The following MECOM variants were observed in gnomAD, a reference collection of about 807,000 sequenced individuals.
MECOM encodes histone-lysine N-methyltransferase MECOM.
A neutral mutation model predicts 116.3 loss-of-function variants in MECOM; 13 were observed. That is an observed-to-expected ratio of 0.11 (90% confidence interval 0.07 to 0.18). The LOEUF (loss-of-function observed/expected upper bound fraction) is 0.18, where lower values mean the gene tolerates loss of function less well. Among genes scored for constraint, MECOM ranks in the 10% least tolerant of loss-of-function variants. The pLI is 1.00. For synonymous variants in MECOM, 528 were observed against 535.2 expected, an observed-to-expected ratio of 0.99 and a Z score of 0.19; for missense variants, 1,299 against 1,509.0, an observed-to-expected ratio of 0.86 and a Z score of 2.31.
chr3:169,167,808 A>G (rs1198704436), intron 2 of MECOM, among the ~76,000 whole-genome samples: 4 of 150,954 alleles, frequency 2.6e-5, no homozygotes, highest in Non-Finnish European at 5.9e-5. Context: ...CAGCTTCAAA[A>G]TTGCTTTTAA....
chr3:169,136,335 T>C (rs186386130), intron 3 of MECOM, among the ~76,000 whole-genome samples: 129 of 151,556 alleles, frequency 8.5e-4, no homozygotes, highest in Non-Finnish European at 1.6e-3. Flanking sequence ...TAATCTCATG[T>C]ATATAATTCT....
intron 1 of MECOM, among the ~76,000 whole-genome samples, chr3:169,596,469 A>C (rs1577045535): frequency 6.6e-6 from 1 of 152,202 alleles, no homozygotes; most frequent in African/African-American, 2.4e-5. Context: ...TCTCTACCTG[A>C]AAAACTGTTT....
At chr3:169,459,055 C>T (rs1746995999) in intron 1 of MECOM, among the ~76,000 whole-genome samples, 1 of 152,180 alleles carries the variant, frequency 6.6e-6, no homozygotes, top group East Asian at 1.9e-4. Context: ...CTATTTCTAC[C>T]TGTATTGGGA....
At chr3:169,089,631 C>T (rs1026677555) in intron 15 of MECOM, among the ~76,000 whole-genome samples, 1 of 152,018 alleles carries the variant, frequency 6.6e-6, no homozygotes, top group African/African-American at 2.4e-5. Context: ...TGAAGTTTAT[C>T]TCAATTATAC....
intron 1 of MECOM, among the ~76,000 whole-genome samples, chr3:169,433,687 A>AAGAAAGAG (rs1553851607): frequency 3.7e-5 from 4 of 108,986 alleles, no homozygotes; most frequent in Non-Finnish European, 6.1e-5. Flanking sequence ...GAAAGAAAGA[A>AAGAAAGAG]AGAGAAAGAA....
At chr3:169,500,688 C>T (rs1754420793) in intron 1 of MECOM, among the ~76,000 whole-genome samples, 1 of 151,834 alleles carries the variant, frequency 6.6e-6, no homozygotes, top group African/African-American at 2.4e-5. Context: ...AATTACTAAG[C>T]AATTATATAA....
rs1757688646 is a variant in MECOM at position 169,524,039 on chromosome 3, A to ATATAT, written c.37+139296_37+139297insATATA. ...ACACATACATGTATGTATATGAATA[A>ATATAT]ATATATATATATATATATATATATA... is the stretch of plus-strand genomic sequence containing the variant. On this transcript the variant is annotated intron_variant, in intron 1 of 16. Coordinates refer to ENST00000651503, the MANE Select transcript of MECOM (RefSeq NM_004991.4). Among the ~76,000 whole-genome samples, 234 of 138,222 alleles carry ATATAT rather than the reference A, an allele frequency of 1.7e-3. 3 individuals are homozygous for ATATAT. The highest frequency in any genetic ancestry group is 6.0e-3 in the African/African-American group (229 of 37,898). 90.7% of individuals were successfully genotyped at this position (138,222 alleles called of 152,430 possible).
intron 2 of MECOM, among the ~76,000 whole-genome samples, chr3:169,328,053 T>C (rs1466981163): frequency 2.0e-5 from 3 of 152,152 alleles, no homozygotes; most frequent in Admixed American, 1.3e-4. Context: ...ATTACAACAT[T>C]TGAGCATTTT....
At chr3:169,543,670 C>G (rs956478882) in intron 1 of MECOM, among the ~76,000 whole-genome samples, 6 of 152,094 alleles carry the variant, frequency 3.9e-5, no homozygotes, top group Non-Finnish European at 7.4e-5. Flanking sequence ...AAAATGTGTT[C>G]ATTTTATATT....
intron 2 of MECOM, among the ~76,000 whole-genome samples, chr3:169,222,371 C>G (rs980946226): frequency 6.6e-6 from 1 of 152,192 alleles, no homozygotes; most frequent in Non-Finnish European, 1.5e-5. Context: ...GTTACAGCCT[C>G]TTATTCCTGC....
At chr3:169,339,507 T>G (rs1282878092) in intron 2 of MECOM, among the ~76,000 whole-genome samples, 1 of 152,222 alleles carries the variant, frequency 6.6e-6, no homozygotes, top group Non-Finnish European at 1.5e-5. Flanking sequence ...TTACCTAGTG[T>G]CTTGCTGCTA....
Position 169,356,556 on chromosome 3 carries a change from G to A in MECOM, c.375+24631C>T, listed in dbSNP as rs537562807. Among the ~76,000 whole-genome samples the A allele has an allele frequency of 4.6e-4, 70 of 151,962 alleles. 1 individual carries two copies. The South Asian group carries it at 0.013, about 28-fold the overall frequency. The stretch of plus-strand genomic sequence containing the variant: ...AAGACAAAAAAGTGGGCCCTGCCAC[G>A]GACGGCTCCATCAGTCTGTCAGTTC... On this transcript the variant is annotated intron_variant, in intron 2 of 16. Coordinates refer to ENST00000651503, the MANE Select transcript of MECOM (RefSeq NM_004991.4).
chr3:169,426,082 T>C (rs181315527), intron 1 of MECOM, among the ~76,000 whole-genome samples: 5 of 152,284 alleles, frequency 3.3e-5, no homozygotes, highest in Admixed American at 2.0e-4. Flanking sequence ...AATACTTTTC[T>C]ATCTGAAAAA....
At chr3:169,551,161 T>C (rs1366255011) in intron 1 of MECOM, among the ~76,000 whole-genome samples, 3 of 152,142 alleles carry the variant, frequency 2.0e-5, no homozygotes, top group Non-Finnish European at 4.4e-5. Context: ...GAGTTGACAA[T>C]TGATTACACC....
chr3:169,335,377 G>A (rs895501905), intron 2 of MECOM, among the ~76,000 whole-genome samples: 24 of 152,114 alleles, frequency 1.6e-4, no homozygotes, highest in African/African-American at 5.8e-4. Flanking sequence ...TTTTCCTTCA[G>A]CTCATGATAA....
chr3:169,265,477 C>T (rs1004754095), intron 2 of MECOM, among the ~76,000 whole-genome samples: 2 of 152,150 alleles, frequency 1.3e-5, no homozygotes, highest in African/African-American at 4.8e-5. Context: ...TTCTAAATAT[C>T]CATTTTTAAA....
intron 2 of MECOM, among the ~76,000 whole-genome samples, chr3:169,346,496 A>T (rs1725375507): frequency 1.3e-5 from 2 of 152,072 alleles, no homozygotes; most frequent in Admixed American, 6.6e-5. Flanking sequence ...TACAGTAAGA[A>T]ATATTAAATT....
intron 7 of MECOM, among the ~76,000 whole-genome samples, chr3:169,117,224 A>T (rs1729450938): frequency 6.6e-6 from 1 of 152,070 alleles, no homozygotes; most frequent in Admixed American, 6.6e-5. Flanking sequence ...CTTCACCTTT[A>T]TTGCCTCTCC....
intron 2 of MECOM, among the ~76,000 whole-genome samples, chr3:169,312,685 A>AT (rs1009013391): frequency 6.6e-5 from 10 of 151,436 alleles, no homozygotes; most frequent in Admixed American, 1.3e-4. Context: ...GCCAACTCCA[A>AT]TTTTTTTTTA....
Sources: gnomAD v4.1 joint callset for allele counts (sites outside exome capture counted in the v4.1 genomes callset) on GRCh38, gnomAD v4.1.1 for gene constraint, MANE v1.5 for transcripts, NCBI Gene and HGNC (gene_info 2026-07-23, HGNC 2026-07-21) for gene names.